Variants in UGT2B11 observed in about 807,000 individuals in gnomAD.
UGT2B11 encodes the protein UDP-glucuronosyltransferase 2B11.
In UGT2B11, 49 loss-of-function variants were observed where a neutral mutation model predicts 51.7. That is an observed-to-expected ratio of 0.95 (90% CI 0.75 to 1.20). The LOEUF (loss-of-function observed/expected upper bound fraction) is 1.20. Among genes scored for constraint, UGT2B11 ranks in the 50% most tolerant of loss-of-function variants. The pLI is 0.00. For missense variants in UGT2B11, 810 were observed against 622.1 expected (o/e 1.30, Z -3.21); for synonymous variants, 273 against 209.0 (o/e 1.31, Z -2.64).
At chr4:69,214,815 C>T (rs765345703), upstream of UGT2B11, 1 of 1,518,152 alleles carries the variant, frequency 6.6e-7, no homozygotes, top group Non-Finnish European at 8.8e-7. Flanking sequence ...ATAACTCCTC[C>T]AATCCAAAGT....
the UGT2B11 span, among the ~76,000 whole-genome samples, chr4:69,221,411 T>C: frequency 0.36 from 55,480 of 152,110 alleles, 11,189 homozygotes; most frequent in Non-Finnish European, 0.47. Context: ...TGGGGCCTTT[T>C]AGCTTGATTT....
intron 5 of UGT2B11, among the ~76,000 whole-genome samples, chr4:69,202,033 A>G (rs1721677378): frequency 6.6e-6 from 1 of 151,756 alleles, no homozygotes; most frequent in African/African-American, 2.4e-5. Context: ...GAATAACAAC[A>G]TTAGTTTTGC....
Position 69,214,436 on chromosome 4 carries a change from C to T in UGT2B11, c.287G>A (p.Arg96Lys), listed in dbSNP as rs1339603512. 1.2e-6 allele frequency: 2 copies of T among 1,613,254 alleles called. No individual in the cohort carries two copies. Among genetic ancestry groups the T allele is most frequent in the South Asian group, 2.2e-5 (2 of 91,066 alleles). The stretch of plus-strand genomic sequence containing the variant: ...GCTATCTTTTCGAATGTCTGACCAT[C>T]TCTTAACCTGTTGCATGATGATATT... ...FENIIMQQVKRWSDIRKDSFW... is the reference protein window; with the variant it reads ...FENIIMQQVKKWSDIRKDSFW... The change falls in exon 1 of 6, where the codon AGA becomes AAA. Residue 96 changes from arginine to lysine, a missense_variant. By Grantham distance (26) the Arg-to-Lys change is conservative (BLOSUM62 2). Transcript: ENST00000446444.
rs377302567 is a variant in UGT2B11, at chr4:69,200,308, GA to G, written c.*131del. On this transcript the variant is annotated 3_prime_UTR_variant, in exon 6 of 6. Coordinates refer to ENST00000446444, the MANE Select transcript of UGT2B11 (RefSeq NM_001073.3). ...AATTTTTACTTGACAAGGTAGATTT[GA>G]AAATTTTTTTTTTTTTTTTTTTTTT... 55,484 of 1,043,250 alleles carry G rather than the reference GA, an allele frequency of 0.053. 1,431 individuals are homozygous for G. Among genetic ancestry groups the G allele is most frequent in the African/African-American group, 0.14 (7,640 of 53,792 alleles). The allele number at this position is 1,043,250 out of a possible 1,614,324, so 64.6% of individuals were successfully genotyped here.
chr4:69,214,301 T>A lies in UGT2B11; in HGVS notation c.422A>T (p.Gln141Leu), dbSNP rs139826685. The change falls in exon 1 of 6, where the codon CAA (glutamine) becomes CTA (leucine). Residue 141 changes from glutamine to leucine, a missense_variant. By Grantham distance (113) the Gln-to-Leu change is moderately radical. Transcript: ENST00000446444. ...AAAAACGATGTCAAATCTTGACTCT[T>A]GTAGTTTTTTCATAACTTTCTTATT... is the stretch of plus-strand genomic sequence containing the variant. Reference protein sequence around the residue: ...VSNKKVMKKLQESRFDIVFAD... With the variant: ...VSNKKVMKKLLESRFDIVFAD... 5.0e-6 allele frequency: 8 copies of A among 1,613,124 alleles called. No homozygotes were observed. The highest frequency in any genetic ancestry group is 4.0e-5 in the African/African-American group (3 of 74,860).
intron 1 of UGT2B11, among the ~76,000 whole-genome samples, chr4:69,213,213 A>G (rs1263786282): frequency 6.6e-6 from 1 of 151,680 alleles, no homozygotes; most frequent in Non-Finnish European, 1.5e-5. Flanking sequence ...GGTACCAACT[A>G]TTCATTTGGA....
intron 2 of UGT2B11, 69 bp downstream of exon 2, chr4:69,212,504 G>T (rs1171507055): frequency 8.9e-6 from 14 of 1,565,290 alleles, no homozygotes; most frequent in Non-Finnish European, 1.2e-5. Context: ...CATTTTGAAT[G>T]AAAACTATAG....
At chr4:69,205,164 T>A (rs1192780518) in intron 4 of UGT2B11, among the ~76,000 whole-genome samples, 9 of 151,616 alleles carry the variant, frequency 5.9e-5, no homozygotes, top group Non-Finnish European at 1.3e-4. Context: ...TTTGAAATAA[T>A]CCTGCAGGAG....
the UGT2B11 span, among the ~76,000 whole-genome samples, chr4:69,222,891 C>T: frequency 6.6e-6 from 1 of 152,128 alleles, no homozygotes; most frequent in Non-Finnish European, 1.5e-5. Flanking sequence ...TCCGATGCAC[C>T]TTTAACACTT....
At chr4:69,214,843 A>T, upstream of UGT2B11, 1 of 1,454,222 alleles carries the variant, frequency 6.9e-7, no homozygotes, top group Non-Finnish European at 9.2e-7. Flanking sequence ...TTATAGGAGC[A>T]TCCTGAGTAC....
chr4:69,208,201 A>C, intron 3 of UGT2B11, 150 bp downstream of exon 3: 1 of 1,459,948 alleles, frequency 6.8e-7, no homozygotes, highest in South Asian at 1.4e-5. Flanking sequence ...CACAACTATT[A>C]CTTGTGTTGG....
chr4:69,224,270 C>T, the UGT2B11 span, among the ~76,000 whole-genome samples: 1 of 152,136 alleles, frequency 6.6e-6, no homozygotes, highest in Non-Finnish European at 1.5e-5. Flanking sequence ...TGGTCTCACA[C>T]TCAGTAACCC....
At position 69,204,499 on chromosome 4, in the gene UGT2B11, C is replaced by T; in HGVS notation, c.1241G>A (p.Arg414Lys). 1.2e-6 allele frequency: 2 copies of T among 1,612,272 alleles called. No homozygotes were observed. The highest frequency in any genetic ancestry group is 1.7e-6 in the Non-Finnish European group (2 of 1,178,844). The change falls in exon 5 of 6, where the codon AGA becomes AAA. Residue 414 changes from arginine (R) to lysine (K), a missense_variant. Physicochemically the swap from Arg to Lys is conservative, Grantham distance 26 (BLOSUM62 2). Transcript: ENST00000446444. ...ACTCGACATTGTGTTGAAGTCCAAT[C>T]TAACAGCTGCTCCCTTGGCCTTCAT... ...AHMKAKGAAV[R>K]LDFNTMSSTD...
At chr4:69,213,513 TTA>T (rs897615196) in intron 1 of UGT2B11, among the ~76,000 whole-genome samples, 2 of 151,786 alleles carry the variant, frequency 1.3e-5, no homozygotes, top group African/African-American at 4.8e-5. Flanking sequence ...GATGTAGACA[TTA>T]TCTCTCTCTA....
rs546344473 is a variant in UGT2B11, at chr4:69,212,405, C to A, written c.870+168G>T. The stretch of plus-strand genomic sequence containing the variant: ...TTGTAATATGCATAAAACTCACATA[C>A]GTGTGACGGTATTAACATATACATG... On this transcript the variant is annotated intron_variant, in intron 2 of 5. Coordinates refer to ENST00000446444, the MANE Select transcript of UGT2B11 (RefSeq NM_001073.3). Among the ~76,000 whole-genome samples the A allele has an allele frequency of 2.6e-5, 4 of 151,734 alleles. No homozygotes were observed. The East Asian group carries it at 7.8e-4, about 30-fold the overall frequency.
intron 5 of UGT2B11, chr4:69,201,225 C>T (rs1465450178): frequency 2.0e-5 from 3 of 152,054 alleles, no homozygotes; most frequent in Admixed American, 6.6e-5. Context: ...GTAAGAAAGA[C>T]TATGAAAATG....
intron 3 of UGT2B11, among the ~76,000 whole-genome samples, chr4:69,206,479 G>T (rs1301047360): frequency 2.0e-5 from 3 of 151,480 alleles, no homozygotes; most frequent in African/African-American, 7.3e-5. Context: ...ATTGGAGGGT[G>T]GAGGGTGGGA....
At chr4:69,215,151 A>G (rs1383495206), upstream of UGT2B11, 1 of 155,392 alleles carries the variant, frequency 6.4e-6, no homozygotes, top group Non-Finnish European at 1.4e-5. Flanking sequence ...CAAATACCAT[A>G]TGATTCATCA....
the UGT2B11 span, among the ~76,000 whole-genome samples, chr4:69,222,956 A>G: frequency 2.6e-5 from 4 of 152,130 alleles, no homozygotes; most frequent in African/African-American, 9.7e-5. Flanking sequence ...GCTGAGGGAA[A>G]AGGCCCTGAG....
Sources: gnomAD v4.1 joint callset for allele counts (sites outside exome capture counted in the v4.1 genomes callset) on GRCh38, gnomAD v4.1.1 for gene constraint, MANE v1.5 for transcripts, NCBI Gene and HGNC (gene_info 2026-07-23, HGNC 2026-07-21) for gene names.